Variants in ZNF550 observed in about 807,000 individuals in gnomAD.
The protein encoded by ZNF550 is zinc finger protein 550.
In ZNF550, 42 loss-of-function variants were observed where a neutral mutation model predicts 40.2. The observed-to-expected ratio is 1.05, with a 90% CI of 0.82 to 1.35. ZNF550 has a LOEUF of 1.35. Among genes scored for constraint, ZNF550 ranks in the 40% most tolerant of loss-of-function variants. The pLI is 0.00. For synonymous variants in ZNF550, 223 were observed against 198.6 expected, an observed-to-expected ratio of 1.12 and a Z score of -1.03; for missense variants, 549 against 525.2, an observed-to-expected ratio of 1.05 and a Z score of -0.44.
intron 3 of ZNF550, among the ~76,000 whole-genome samples, chr19:57,551,401 C>G (rs113299248): frequency 4.6e-5 from 7 of 151,890 alleles, no homozygotes; most frequent in African/African-American, 1.7e-4. Context: ...ATGGCCCAGG[C>G]AGAAGATTAT....
intron 4 of ZNF550, among the ~76,000 whole-genome samples, chr19:57,546,086 G>C (rs1405259690): frequency 6.6e-6 from 1 of 152,098 alleles, no homozygotes; most frequent in Non-Finnish European, 1.5e-5. Flanking sequence ...TTAATGTGGT[G>C]CACATTTTAA....
intron 3 of ZNF550, among the ~76,000 whole-genome samples, chr19:57,549,905 T>A (rs1023411827): frequency 2.6e-5 from 4 of 152,218 alleles, no homozygotes; most frequent in Non-Finnish European, 5.9e-5. Flanking sequence ...AGTGGGTTGA[T>A]ACTGGAGGAT....
At chr19:57,552,454 G>A (rs1184480159) in intron 3 of ZNF550, 173 bp downstream of exon 3, 1 of 545,632 alleles carries the variant, frequency 1.8e-6, no homozygotes, top group Admixed American at 3.2e-5. Context: ...CTGAATAATT[G>A]TGTGGCTCAG....
chr19:57,547,318 T>C (rs139099223), exon 4 of ZNF550: 55 of 1,614,088 alleles, frequency 3.4e-5, no homozygotes, highest in Non-Finnish European at 4.5e-5. Flanking sequence ...TTCTCCAGTG[T>C]GGGTCCTATT....
At chr19:57,543,023 A>C (rs1018190342) in exon 5 of ZNF550, 2 of 156,308 alleles carry the variant, frequency 1.3e-5, no homozygotes, top group African/African-American at 4.8e-5. Flanking sequence ...ATTTCAAGAC[A>C]CACAGGCTTC....
chr19:57,550,011 T>C (rs2090058805), intron 3 of ZNF550, among the ~76,000 whole-genome samples: 1 of 152,222 alleles, frequency 6.6e-6, no homozygotes, highest in African/African-American at 2.4e-5. Context: ...TGCACAGTTC[T>C]TGATGCAGCG....
chr19:57,553,751 C>T (rs1444768717), intron 2 of ZNF550: 2 of 152,180 alleles, frequency 1.3e-5, no homozygotes, highest in Non-Finnish European at 2.9e-5. Flanking sequence ...ACACCTCGTG[C>T]TTTCAGAACC....
At chr19:57,548,251 G>C (rs2090042238) in intron 3 of ZNF550, among the ~76,000 whole-genome samples, 3 of 152,228 alleles carry the variant, frequency 2.0e-5, no homozygotes, top group Admixed American at 2.0e-4. Context: ...ACAGTTCAGA[G>C]TAAGGAAGAG....
At chr19:57,559,135 C>T (rs1599901530) in intron 1 of ZNF550, among the ~76,000 whole-genome samples, 1 of 152,300 alleles carries the variant, frequency 6.6e-6, no homozygotes, top group East Asian at 1.9e-4. Context: ...GGGGTTGAGT[C>T]TCCAAACCTA....
rs762035322 is a variant in ZNF550 at position 57,552,741 on chromosome 19, A to C, written c.155-19T>G. ...CGATGCCCTGTTGATAGCAAAAGAA[A>C]TAGAATAGGGGTAATTTAATGAGAA... On this transcript the variant is annotated intron_variant, in intron 2 of 4. Coordinates refer to ENST00000457177, the Ensembl canonical transcript of ZNF550. 6.4e-7 allele frequency: 1 copy of C among 1,553,670 alleles called. No homozygotes were observed. The highest frequency in any genetic ancestry group is 1.1e-5 in the South Asian group (1 of 89,532).
At chr19:57,547,564 C>G (rs200379665) in exon 4 of ZNF550, 2 of 1,614,208 alleles carry the variant, frequency 1.2e-6, no homozygotes, top group South Asian at 1.1e-5. Context: ...GGGTTTCATT[C>G]CAGTGTGAAC....
intron 2 of ZNF550, chr19:57,553,370 CA>C (rs1807128886): frequency 1.3e-5 from 2 of 152,272 alleles, no homozygotes; most frequent in African/African-American, 4.8e-5. Flanking sequence ...AACACTTTGA[CA>C]GCCATGGGAC....
chr19:57,547,972 G>C (rs1161882423), exon 4 of ZNF550: 9 of 1,613,454 alleles, frequency 5.6e-6, no homozygotes, highest in Non-Finnish European at 5.9e-6. Flanking sequence ...TGGCTCTCTG[G>C]TATGAACTTG....
intron 4 of ZNF550, chr19:57,544,062 AG>A (rs2123331770): frequency 1.0e-6 from 1 of 985,458 alleles, no homozygotes; most frequent in South Asian, 4.7e-5. Flanking sequence ...AACAAGTTTA[AG>A]TCAATATATT....
At chr19:57,547,696 T>G (rs771051812) in exon 4 of ZNF550, 1 of 1,614,230 alleles carries the variant, frequency 6.2e-7, no homozygotes, top group East Asian at 2.2e-5. Flanking sequence ...GTCACATTCA[T>G]GGAGAACATC....
At chr19:57,552,452 T>C (rs960556672) in intron 3 of ZNF550, 175 bp downstream of exon 3, 3 of 542,812 alleles carry the variant, frequency 5.5e-6, no homozygotes, top group South Asian at 2.9e-5. Flanking sequence ...CTCTGAATAA[T>C]TGTGTGGCTC....
chr19:57,555,049 TCA>T (rs2090107366), intron 2 of ZNF550: 1 of 152,264 alleles, frequency 6.6e-6, no homozygotes, highest in Non-Finnish European at 1.5e-5. Flanking sequence ...CCAACTGAAC[TCA>T]GAGTGTGCCA....
chr19:57,552,658 C>T (rs1268063250), exon 3 of ZNF550: 1 of 1,598,060 alleles, frequency 6.3e-7, no homozygotes, highest in Non-Finnish European at 8.5e-7. Flanking sequence ...GGCCTCTCTT[C>T]ACTATCCACA....
intron 3 of ZNF550, among the ~76,000 whole-genome samples, chr19:57,550,104 G>C (rs1190838417): frequency 2.0e-5 from 3 of 152,192 alleles, no homozygotes; most frequent in Non-Finnish European, 4.4e-5. Context: ...AGTGACACTA[G>C]CAAGAACAAC....
Sources: gnomAD v4.1 joint callset for allele counts (sites outside exome capture counted in the v4.1 genomes callset) on GRCh38, gnomAD v4.1.1 for gene constraint, MANE v1.5 for transcripts, NCBI Gene and HGNC (gene_info 2026-07-23, HGNC 2026-07-21) for gene names.